Variants in CEP85L observed in about 807,000 individuals in gnomAD.
CEP85L encodes centrosomal protein 85L, also known as centrosomal protein of 85 kDa-like.
CEP85L carries 60 observed loss-of-function variants against 100.3 expected under a neutral mutation model. That is an observed-to-expected ratio of 0.60 (90% confidence interval 0.49 to 0.74). The LOEUF is 0.74. Among genes scored for constraint, CEP85L ranks in the 30% least tolerant of loss-of-function variants. The pLI, the probability that CEP85L is intolerant of heterozygous loss-of-function variation, is 0.00. For missense variants in CEP85L, 973 were observed against 936.2 expected (o/e 1.04, Z -0.51); for synonymous variants, 319 against 322.7 (o/e 0.99, Z 0.12).
intron 1 of CEP85L, among the ~76,000 whole-genome samples, chr6:118,636,024 T>C (rs1221294825): frequency 6.6e-6 from 1 of 152,206 alleles, no homozygotes; most frequent in Non-Finnish European, 1.5e-5. Context: ...TATTTTCAGT[T>C]TTGTGGGTCA....
chr6:118,465,600 A>C (rs1382959945), intron 12 of CEP85L, 32 bp from the exon 13 acceptor site: 9 of 1,597,080 alleles, frequency 5.6e-6, no homozygotes, highest in African/African-American at 5.4e-5. Context: ...AGAATATCTC[A>C]CATTTTTTTG....
intron 2 of CEP85L, among the ~76,000 whole-genome samples, chr6:118,573,544 A>G (rs1055038880): frequency 2.0e-5 from 3 of 152,196 alleles, no homozygotes; most frequent in Non-Finnish European, 2.9e-5. Context: ...AATAAAAACA[A>G]TATCTAACAT....
At chr6:118,706,564 A>G (rs1368344773) in intron 1 of CEP85L, among the ~76,000 whole-genome samples, 10 of 152,234 alleles carry the variant, frequency 6.6e-5, no homozygotes, top group Non-Finnish European at 2.9e-5. Context: ...CTGATGAAAC[A>G]TACATTTGAA....
chr6:118,705,213 C>T (rs1001478377), intron 1 of CEP85L, among the ~76,000 whole-genome samples: 2 of 152,144 alleles, frequency 1.3e-5, no homozygotes, highest in African/African-American at 4.8e-5. Flanking sequence ...TAAAAGAAAA[C>T]GAGAGGTGCT....
intron 2 of CEP85L, among the ~76,000 whole-genome samples, chr6:118,630,372 T>C (rs151173697): frequency 3.9e-5 from 6 of 152,318 alleles, no homozygotes; most frequent in African/African-American, 1.2e-4. Context: ...GAATGGCCTA[T>C]ACAAGCTGCA....
chr6:118,600,801 T>A lies in CEP85L; in HGVS notation c.232+31652A>T, dbSNP rs542058596. On this transcript the variant is annotated intron_variant, in intron 2 of 12. Transcript: ENST00000368491. ...CCTGCCTTCAGAGGGTTGTCTTTTT[T>A]AAAAAAAAAAAAAATCTTGAGTTTT... 3.4e-3 allele frequency among the ~76,000 whole-genome samples: 506 copies of A among 147,082 alleles called. 4 individuals carry two copies. The highest frequency in any genetic ancestry group is 8.9e-3 in the African/African-American group (357 of 39,960).
chr6:118,632,210 C>T (rs891503724), intron 2 of CEP85L, among the ~76,000 whole-genome samples: 7 of 152,094 alleles, frequency 4.6e-5, no homozygotes, highest in African/African-American at 1.4e-4. Flanking sequence ...AAGATGGTCT[C>T]GATCTCCTGA....
At chr6:118,595,893 AAATAGT>A (rs1781436842) in intron 2 of CEP85L, among the ~76,000 whole-genome samples, 1 of 152,214 alleles carries the variant, frequency 6.6e-6, no homozygotes, top group African/African-American at 2.4e-5. Flanking sequence ...ACTCCAAGCC[AAATAGT>A]AATAGTAATA....
At chr6:118,655,875 A>G (rs1419873551), upstream of CEP85L, among the ~76,000 whole-genome samples, 1 of 152,216 alleles carries the variant, frequency 6.6e-6, no homozygotes, top group Non-Finnish European at 1.5e-5. Flanking sequence ...CCTCCATTTT[A>G]CAGATGGGGA....
At chr6:118,561,703 T>C (rs985004187) in intron 3 of CEP85L, among the ~76,000 whole-genome samples, 8 of 152,128 alleles carry the variant, frequency 5.3e-5, no homozygotes, top group African/African-American at 1.9e-4. Context: ...AAAATGAATG[T>C]TCTTGAAAAC....
chr6:118,572,469 G>A (rs764672369), intron 2 of CEP85L, among the ~76,000 whole-genome samples: 13 of 152,078 alleles, frequency 8.5e-5, no homozygotes, highest in Middle Eastern at 3.4e-3. Context: ...CTACTTGGGA[G>A]GCTGAGGCAG....
At chr6:118,470,989 T>C (rs1481198145) in intron 10 of CEP85L, among the ~76,000 whole-genome samples, 2 of 152,122 alleles carry the variant, frequency 1.3e-5, no homozygotes, top group African/African-American at 4.8e-5. Context: ...TTTTTATATG[T>C]AGAGAGTGTA....
intron 5 of CEP85L, among the ~76,000 whole-genome samples, chr6:118,495,271 T>C (rs139498457): frequency 1.4e-3 from 219 of 152,142 alleles, no homozygotes; most frequent in Non-Finnish European, 2.6e-3. Context: ...AACATGAAAT[T>C]TGGGAGGTGC....
chr6:118,584,224 T>A (rs1346377522), intron 2 of CEP85L, among the ~76,000 whole-genome samples: 1 of 152,140 alleles, frequency 6.6e-6, no homozygotes, highest in African/African-American at 2.4e-5. Flanking sequence ...ACAGAGAATA[T>A]AAAGTTTCAA....
At chr6:118,567,629 G>A (rs888887527) in intron 2 of CEP85L, among the ~76,000 whole-genome samples, 1 of 152,080 alleles carries the variant, frequency 6.6e-6, no homozygotes, top group Non-Finnish European at 1.5e-5. Context: ...GGAAGTAAGC[G>A]ATGGAGACCT....
At chr6:118,613,684 G>C in intron 2 of CEP85L, among the ~76,000 whole-genome samples, 1 of 148,732 alleles carries the variant, frequency 6.7e-6, no homozygotes, top group Non-Finnish European at 1.5e-5. Context: ...TTGAACCCAG[G>C]AGTTGGAGGT....
chr6:118,502,914 G>A, intron 5 of CEP85L: 2 of 463,684 alleles, frequency 4.3e-6, no homozygotes, highest in Admixed American at 3.5e-5. Context: ...AAGACACGGA[G>A]TGGACCTAGT....
intron 1 of CEP85L, among the ~76,000 whole-genome samples, chr6:118,644,843 A>G: frequency 6.6e-6 from 1 of 152,120 alleles, no homozygotes; most frequent in East Asian, 1.9e-4. Flanking sequence ...TGTCTTCCCT[A>G]CTGCTGTTCT....
chr6:118,630,268 A>G (rs530320538), intron 2 of CEP85L, among the ~76,000 whole-genome samples: 13 of 152,336 alleles, frequency 8.5e-5, no homozygotes, highest in Admixed American at 5.9e-4. Context: ...AATCATCAGC[A>G]TAAGTTCTTA....
Sources: allele counts gnomAD v4.1 joint callset (sites outside exome capture counted in the v4.1 genomes callset), GRCh38; gene constraint gnomAD v4.1.1; transcripts MANE v1.5; gene names NCBI Gene and HGNC (gene_info 2026-07-23, HGNC 2026-07-21).